The following ANKRD31 variants were observed in gnomAD, a reference collection of about 807,000 sequenced individuals.
The protein encoded by ANKRD31 is ankyrin repeat domain 31.
ANKRD31 carries 147 observed loss-of-function variants against 186.0 expected under a neutral mutation model. The observed-to-expected ratio is 0.79, with a 90% CI of 0.69 to 0.91. The LOEUF (loss-of-function observed/expected upper bound fraction) is 0.91, where lower values mean the gene tolerates loss of function less well. ANKRD31 is among the 40% of genes least tolerant of loss of function. ANKRD31 has a pLI of 0.00. For missense variants in ANKRD31, 1,986 were observed against 2,148.8 expected (o/e 0.92, Z 1.50); for synonymous variants, 673 against 736.4 (o/e 0.91, Z 1.39).
intron 25 of ANKRD31, among the ~76,000 whole-genome samples, chr5:75,075,491 TAA>T (rs1744563181): frequency 6.6e-6 from 1 of 152,242 alleles, no homozygotes; most frequent in Non-Finnish European, 1.5e-5. Context: ...AACTGAGACT[TAA>T]ATTTTATCTT....
At chr5:75,199,046 T>C (rs1256330800) in intron 6 of ANKRD31, among the ~76,000 whole-genome samples, 1 of 151,704 alleles carries the variant, frequency 6.6e-6, no homozygotes, top group African/African-American at 2.4e-5. Flanking sequence ...ACAAAAAAAT[T>C]AAAAGAAAAA....
In ANKRD31 at chr5:75,192,124, C is replaced by T. The variant is rs77793101; in HGVS notation, c.1408+543G>A. On this transcript the variant is annotated intron_variant, in intron 9 of 25. Transcript: ENST00000506364. ...TAAGGACAAAGATGTACGCTTATAT[C>T]GCTGCAGTATTATTATCAAATTCAG... 2.5e-3 allele frequency among the ~76,000 whole-genome samples: 383 copies of T among 152,198 alleles called. 10 individuals are homozygous for T. In the East Asian group the frequency reaches 0.064, roughly 25 times the overall value.
intron 19 of ANKRD31, among the ~76,000 whole-genome samples, chr5:75,113,725 T>C (rs1272314642): frequency 6.6e-6 from 1 of 152,202 alleles, no homozygotes; most frequent in Admixed American, 6.5e-5. Flanking sequence ...AACCTAATTA[T>C]TTGGTAAAAC....
intron 17 of ANKRD31, among the ~76,000 whole-genome samples, chr5:75,121,259 ATAATAT>A (rs1050963486): frequency 3.3e-5 from 5 of 152,236 alleles, no homozygotes; most frequent in Middle Eastern, 6.8e-3. Flanking sequence ...AAAGGTTATA[ATAATAT>A]TAAATACATA....
intron 3 of ANKRD31, among the ~76,000 whole-genome samples, chr5:75,213,568 G>A (rs1026583644): frequency 1.8e-4 from 27 of 152,196 alleles, no homozygotes; most frequent in Admixed American, 1.8e-3. Flanking sequence ...CAATATGCAA[G>A]AATACATGTC....
intron 25 of ANKRD31, among the ~76,000 whole-genome samples, chr5:75,080,277 C>T (rs749365181): frequency 1.1e-4 from 17 of 152,070 alleles, no homozygotes; most frequent in Non-Finnish European, 2.2e-4. Context: ...TTTTAAATCA[C>T]GTTCATGCTT....
chr5:75,166,670 T>C (rs1752948896), intron 11 of ANKRD31, among the ~76,000 whole-genome samples: 1 of 152,154 alleles, frequency 6.6e-6, no homozygotes, highest in African/African-American at 2.4e-5. Context: ...TTTGATAGCT[T>C]ATTTCAATGC....
At chr5:75,192,389 C>T (rs1462843952) in intron 9 of ANKRD31, among the ~76,000 whole-genome samples, 4 of 152,106 alleles carry the variant, frequency 2.6e-5, no homozygotes, top group African/African-American at 9.7e-5. Flanking sequence ...TAGCCATATG[C>T]TAGGTTAGTC....
intron 20 of ANKRD31, 121 bp from the exon 21 acceptor site, chr5:75,107,738 AT>A: frequency 1.7e-6 from 1 of 592,504 alleles, no homozygotes; most frequent in South Asian, 2.2e-5. Context: ...CTTCCCCAAT[AT>A]TAATAGCCCA....
intron 3 of ANKRD31, among the ~76,000 whole-genome samples, chr5:75,214,591 T>A (rs1368592518): frequency 6.6e-6 from 1 of 152,204 alleles, no homozygotes; most frequent in Admixed American, 6.5e-5. Flanking sequence ...CCAGCCCTGA[T>A]CCTTCTTCCA....
chr5:75,145,482 CA>C lies in ANKRD31; in HGVS notation c.3424+504del, dbSNP rs1751368098. On this transcript the variant is annotated intron_variant, in intron 14 of 25. Coordinates refer to ENST00000506364, the MANE Select transcript of ANKRD31 (RefSeq NM_001372053.1). ...AACCATCATTCTCAGCAAGCTAACA[CA>C]GGAACAGAAAACCAGACACCACATG... Among the ~76,000 whole-genome samples, 3 of 152,140 alleles carry C rather than the reference CA, an allele frequency of 2.0e-5. No individual in the cohort carries two copies. The South Asian group carries it at 6.2e-4, about 32-fold the overall frequency.
intron 4 of ANKRD31, among the ~76,000 whole-genome samples, chr5:75,207,208 A>G (rs999420203): frequency 2.0e-5 from 3 of 152,174 alleles, no homozygotes; most frequent in African/African-American, 7.2e-5. Flanking sequence ...TGCAAGAGTA[A>G]TAAATTAAGC....
intron 17 of ANKRD31, among the ~76,000 whole-genome samples, chr5:75,129,210 C>A (rs558670642): frequency 6.6e-6 from 1 of 152,270 alleles, no homozygotes; most frequent in Admixed American, 6.5e-5. Context: ...TGCCTACTAC[C>A]CTTCACCTTC....
At chr5:75,131,861 T>C (rs1483333269) in intron 17 of ANKRD31, among the ~76,000 whole-genome samples, 1 of 152,210 alleles carries the variant, frequency 6.6e-6, no homozygotes, top group Non-Finnish European at 1.5e-5. Context: ...CAATATTGGC[T>C]GTTCTGCAGC....
chr5:75,212,684 C>A (rs1756727639), intron 3 of ANKRD31, among the ~76,000 whole-genome samples: 2 of 152,136 alleles, frequency 1.3e-5, no homozygotes, highest in Non-Finnish European at 2.9e-5. Flanking sequence ...GTTGTTGTGT[C>A]CCTTTCGAAA....
Position 75,068,394 on chromosome 5 carries a change from T to C in ANKRD31, c.*125A>G, listed in dbSNP as rs972387495. ...ACATACATCTTAAGAACAGTAAACA[T>C]ACATCCTAAATAGCAACTCATAAAG... On this transcript the variant is annotated 3_prime_UTR_variant, in exon 26 of 26. Coordinates refer to ENST00000506364, the MANE Select transcript of ANKRD31 (RefSeq NM_001372053.1). 1 of 884,160 alleles carries C rather than the reference T, an allele frequency of 1.1e-6. No individual in the cohort carries two copies. The highest frequency in any genetic ancestry group is 3.0e-5 in the South Asian group (1 of 32,856). The allele number at this position is 884,160 out of a possible 1,614,324, so 54.8% of individuals were successfully genotyped here. A position where few individuals can be genotyped will look rare whatever the true frequency, so the allele number is the denominator to read the frequency against.
intron 2 of ANKRD31, among the ~76,000 whole-genome samples, chr5:75,228,370 A>C (rs1757758705): frequency 6.6e-6 from 1 of 152,244 alleles, no homozygotes; most frequent in South Asian, 2.1e-4. Flanking sequence ...ACAATTTTAT[A>C]ACTTTTTTTG....
intron 23 of ANKRD31, among the ~76,000 whole-genome samples, chr5:75,088,869 C>T (rs767245490): frequency 6.6e-6 from 1 of 152,152 alleles, no homozygotes; most frequent in African/African-American, 2.4e-5. Context: ...ACAATCGCTA[C>T]GTTGGAAGGG....
intron 17 of ANKRD31, among the ~76,000 whole-genome samples, chr5:75,135,569 AT>A (rs1750503907): frequency 6.6e-6 from 1 of 152,110 alleles, no homozygotes; most frequent in African/African-American, 2.4e-5. Context: ...AAGAATCAAT[AT>A]CGTGAAAATG....
Sources: allele counts gnomAD v4.1 joint callset (sites outside exome capture counted in the v4.1 genomes callset), GRCh38; gene constraint gnomAD v4.1.1; transcripts MANE v1.5; gene names NCBI Gene and HGNC (gene_info 2026-07-23, HGNC 2026-07-21).